IKZF1: variants seen among roughly 807,000 people sequenced by gnomAD.
IKZF1 encodes the protein DNA-binding protein Ikaros.
A neutral mutation model predicts 51.7 loss-of-function variants in IKZF1; 10 were observed. The ratio of observed to expected loss-of-function variants is 0.19; its 90% confidence interval spans 0.12 to 0.33. The LOEUF is 0.33. IKZF1 is among the 10% of genes least tolerant of loss of function. IKZF1 has a pLI of 1.00. For synonymous variants in IKZF1, 280 were observed against 282.3 expected (o/e 0.99, Z 0.08); for missense variants, 484 against 707.5 (o/e 0.68, Z 3.58).
Position 50,374,079 on chromosome 7 carries a change from C to A in IKZF1, c.161-2454C>A, listed in dbSNP as rs1809525637. 3.3e-5 allele frequency among the ~76,000 whole-genome samples: 5 copies of A among 152,330 alleles called. No individual in the cohort carries two copies. In the South Asian group the frequency reaches 1.0e-3, roughly 32 times the overall value. On this transcript the variant is annotated intron_variant, in intron 3 of 7. Transcript: ENST00000331340. ...CAGCTCTGTTAATCCTCTGGTGCATCCTCACTTCTGTGGTCTCCAAGTCCA... is the reference window on the plus strand; with the variant it reads ...CAGCTCTGTTAATCCTCTGGTGCATACTCACTTCTGTGGTCTCCAAGTCCA...
intron 3 of IKZF1, among the ~76,000 whole-genome samples, chr7:50,373,310 A>G (rs1809267120): frequency 6.6e-6 from 1 of 152,244 alleles, no homozygotes; most frequent in African/African-American, 2.4e-5. Context: ...CACACGCCAT[A>G]GAGCATGCCA....
chr7:50,402,549 G>T lies in IKZF1; in HGVS notation c.*1922G>T. 4.3e-6 allele frequency: 1 copy of T among 232,078 alleles called. No individual in the cohort carries two copies. The highest frequency in any genetic ancestry group is 1.8e-4 in the South Asian group (1 of 5,514). The allele number at this position is 232,078 out of a possible 1,614,324, so 14.4% of individuals were successfully genotyped here. On this transcript the variant is annotated 3_prime_UTR_variant, in exon 8 of 8. Transcript: ENST00000331340. Reference sequence around the variant, plus strand: ...TCTAAACCAATCAAATGTCTGGGAAGCCCTCCAAGAAAAAAAATAGAAAAG... The same window carrying T: ...TCTAAACCAATCAAATGTCTGGGAATCCCTCCAAGAAAAAAAATAGAAAAG...
intron 3 of IKZF1, among the ~76,000 whole-genome samples, chr7:50,335,056 T>C (rs1046938052): frequency 3.4e-5 from 5 of 148,890 alleles, no homozygotes; most frequent in African/African-American, 1.2e-4. Context: ...GTGTGTGTGG[T>C]GTGCATGTGT....
intron 3 of IKZF1, among the ~76,000 whole-genome samples, chr7:50,336,130 G>A (rs1718552788): frequency 6.6e-6 from 1 of 152,176 alleles, no homozygotes; most frequent in South Asian, 2.1e-4. Flanking sequence ...CAGTTCCTCA[G>A]TGATAAAACA....
At chr7:50,360,933 T>C (rs1805026015) in intron 3 of IKZF1, among the ~76,000 whole-genome samples, 1 of 152,284 alleles carries the variant, frequency 6.6e-6, no homozygotes, top group Admixed American at 6.5e-5. Context: ...CACACTCTTA[T>C]GGGCAGCCCA....
Position 50,309,518 on chromosome 7 carries a change from C to T in IKZF1, c.-15+4596C>T, listed in dbSNP as rs146835311. ...GGGGGGTTTGCACAGACTGCCAAAA[C>T]ACTAAGAACTGTGTAAAGTGTTTTT... On this transcript the variant is annotated intron_variant, in intron 1 of 7. Transcript: ENST00000331340. Among the ~76,000 whole-genome samples, 21 of 152,272 alleles carry T rather than the reference C, an allele frequency of 1.4e-4. No individual in the cohort carries two copies. The East Asian group carries it at 2.3e-3, about 17-fold the overall frequency.
chr7:50,327,667 C>T lies in IKZF1; in HGVS notation c.70C>T (p.Pro24Ser). Residue 24 changes from proline to serine, a missense_variant, in exon 3 of 8, where the codon CCA (proline) becomes TCA (serine). By Grantham distance (74) the Pro-to-Ser change is moderately conservative (BLOSUM62 -1). Around this residue, in one of 6 missense-constraint regions of IKZF1, gnomAD observed 118 missense variants for 138.4 expected, o/e 0.85. Transcript: ENST00000331340. ...GKESPPVSDT[P>S]DEGDEPMPIP... ...GGAAAGCCCCCCTGTAAGCGATACT[C>T]CAGATGAGGGCGATGAGCCCATGCC... The T allele has an allele frequency of 1.2e-6, 2 of 1,613,464 alleles. No homozygotes were observed. Among genetic ancestry groups the T allele is most frequent in the East Asian group, 2.2e-5 (1 of 44,844 alleles).
intron 3 of IKZF1, chr7:50,367,996 T>C (rs1173079437): frequency 4.4e-6 from 3 of 680,814 alleles, no homozygotes; most frequent in African/African-American, 1.8e-5. Context: ...TTTTGCCTTC[T>C]TTATTGCAGT....
rs1818722242 is a variant in IKZF1 at position 50,404,731 on chromosome 7, C to A, written c.*4104C>A. 4.3e-6 allele frequency: 1 copy of A among 231,126 alleles called. No individual in the cohort carries two copies. 14.3% of individuals were successfully genotyped at this position (231,126 alleles called of 1,614,324 possible). ...GAGATACATTTCCAGTTCTCCACTGCAGCATGCTTCAGTCATTCTGTGAGT... is the reference window on the plus strand; with the variant it reads ...GAGATACATTTCCAGTTCTCCACTGAAGCATGCTTCAGTCATTCTGTGAGT... On this transcript the variant is annotated 3_prime_UTR_variant, in exon 8 of 8. Coordinates refer to ENST00000331340, the MANE Select transcript of IKZF1 (RefSeq NM_006060.6).
intron 3 of IKZF1, among the ~76,000 whole-genome samples, chr7:50,338,594 G>A (rs1178737656): frequency 6.6e-6 from 1 of 152,226 alleles, no homozygotes; most frequent in Non-Finnish European, 1.5e-5. Flanking sequence ...TTTGGGAAGT[G>A]TAAATATAAC....
rs1818295356 is a variant in IKZF1, at chr7:50,402,454, T to A, written c.*1827T>A. ...CACCCCGAATTGACAACCCAAACTCTCCAGACATCACCAACTGTCCCCTGC... is the reference window on the plus strand; with the variant it reads ...CACCCCGAATTGACAACCCAAACTCACCAGACATCACCAACTGTCCCCTGC... On this transcript the variant is annotated 3_prime_UTR_variant, in exon 8 of 8. Transcript: ENST00000331340. 4.3e-6 allele frequency: 1 copy of A among 231,404 alleles called. No homozygotes were observed. Among genetic ancestry groups the A allele is most frequent in the Non-Finnish European group, 8.5e-6 (1 of 116,972 alleles). The allele number at this position is 231,404 out of a possible 1,614,324, so 14.3% of individuals were successfully genotyped here. A position where few individuals can be genotyped will look rare whatever the true frequency, so the allele number is the denominator to read the frequency against.
At chr7:50,399,208 T>A (rs780995918) in intron 7 of IKZF1, among the ~76,000 whole-genome samples, 1 of 152,214 alleles carries the variant, frequency 6.6e-6, no homozygotes, top group Non-Finnish European at 1.5e-5. Flanking sequence ...CTCCACCACA[T>A]GTTTCTGGGG....
chr7:50,369,083 T>C (rs572745372), intron 3 of IKZF1: 5 of 228,998 alleles, frequency 2.2e-5, no homozygotes, highest in East Asian at 1.9e-4. Flanking sequence ...GATTCCACTT[T>C]AAAGCAATAG....
chr7:50,368,281 G>A (rs562525663), intron 3 of IKZF1: 48 of 703,334 alleles, frequency 6.8e-5, no homozygotes, highest in South Asian at 6.5e-4. Context: ...GCATGGCAGT[G>A]GAGTAACAGT....
At position 50,404,465 on chromosome 7, in the gene IKZF1, C is replaced by A. The variant is rs146163449; in HGVS notation, c.*3838C>A. On this transcript the variant is annotated 3_prime_UTR_variant, in exon 8 of 8. Coordinates refer to ENST00000331340, the MANE Select transcript of IKZF1 (RefSeq NM_006060.6). ...TCTGCCCTATCCCGTGAAGTCCACA[C>A]TGGCGTAAGAGAAGGCCCAGCAGAG... The A allele has an allele frequency of 4.4e-6, 1 of 229,794 alleles. No homozygotes were observed. The highest frequency in any genetic ancestry group is 5.7e-5 in the Admixed American group (1 of 17,654). The allele number at this position is 229,794 out of a possible 1,614,324, so 14.2% of individuals were successfully genotyped here.
intron 7 of IKZF1, among the ~76,000 whole-genome samples, chr7:50,393,318 G>A (rs1584995133): frequency 6.6e-6 from 1 of 152,140 alleles, no homozygotes. Flanking sequence ...GATTTTCAAG[G>A]ACTTCTGGTG....
At chr7:50,341,164 G>GTTTT (rs1798977473) in intron 3 of IKZF1, among the ~76,000 whole-genome samples, 1 of 79,000 alleles carries the variant, frequency 1.3e-5, no homozygotes. Flanking sequence ...TTTTTTTTTA[G>GTTTT]ACAGAGTTTC....
At chr7:50,345,573 AT>A (rs1339813669) in intron 3 of IKZF1, among the ~76,000 whole-genome samples, 1 of 152,212 alleles carries the variant, frequency 6.6e-6, no homozygotes, top group African/African-American at 2.4e-5. Flanking sequence ...TGCATGTTAA[AT>A]GTCTGTTGTG....
chr7:50,340,762 C>A (rs1392070977), intron 3 of IKZF1, among the ~76,000 whole-genome samples: 5 of 152,194 alleles, frequency 3.3e-5, no homozygotes, highest in Non-Finnish European at 7.3e-5. Flanking sequence ...TTAACTATTA[C>A]CAGGTGTAGC....
Sources: allele counts gnomAD v4.1 joint callset (sites outside exome capture counted in the v4.1 genomes callset), GRCh38; gene constraint gnomAD v4.1.1; regional missense constraint gnomAD v4.1.1; transcripts MANE v1.5; gene names NCBI Gene and HGNC (gene_info 2026-07-23, HGNC 2026-07-21).